The following NCOR2 variants were observed in gnomAD, a reference collection of about 807,000 sequenced individuals.
NCOR2 encodes CTG repeat protein 26.
A neutral mutation model predicts 262.9 loss-of-function variants in NCOR2; 81 were observed. That is an observed-to-expected ratio of 0.31 (90% CI 0.26 to 0.37). The LOEUF (loss-of-function observed/expected upper bound fraction) is 0.37. NCOR2 is among the 10% of genes least tolerant of loss of function. The pLI is 1.00. For missense variants in NCOR2, 3,385 were observed against 3,621.4 expected, an observed-to-expected ratio of 0.93 and a Z score of 1.68; for synonymous variants, 1,659 against 1,559.3, an observed-to-expected ratio of 1.06 and a Z score of -1.51.
intron 5 of NCOR2, among the ~76,000 whole-genome samples, chr12:124,464,824 G>A (rs1404547379): frequency 6.6e-6 from 1 of 152,230 alleles, no homozygotes; most frequent in Non-Finnish European, 1.5e-5. Context: ...CAGGAAGTGG[G>A]AGAAATGGGA....
chr12:124,446,246 G>A (rs560822642), intron 7 of NCOR2, among the ~76,000 whole-genome samples: 4 of 152,188 alleles, frequency 2.6e-5, no homozygotes, highest in Non-Finnish European at 2.9e-5. Flanking sequence ...TACCTACCTC[G>A]GCAGCTCCTG....
chr12:124,501,482 CCTCTGGGGG>C (rs147169167), intron 1 of NCOR2, among the ~76,000 whole-genome samples: 3,673 of 152,268 alleles, frequency 0.024, 75 homozygotes, highest in Middle Eastern at 0.071. Flanking sequence ...GGCCCCACGG[CCTCTGGGGG>C]CTCTGGGGGA....
intron 13 of NCOR2, among the ~76,000 whole-genome samples, chr12:124,404,219 T>C (rs542440110): frequency 1.3e-5 from 2 of 151,302 alleles, no homozygotes; most frequent in South Asian, 4.2e-4. Flanking sequence ...GAGGGAGGAG[T>C]GATGTGGCTG....
At chr12:124,562,756 G>A (rs1304379770) in intron 1 of NCOR2, among the ~76,000 whole-genome samples, 1 of 152,214 alleles carries the variant, frequency 6.6e-6, no homozygotes, top group Non-Finnish European at 1.5e-5. Flanking sequence ...TCCATCAGAG[G>A]ATCTTTCCCA....
At chr12:124,417,352 AC>A (rs1460306057) in intron 13 of NCOR2, among the ~76,000 whole-genome samples, 11 of 152,170 alleles carry the variant, frequency 7.2e-5, no homozygotes, top group Non-Finnish European at 1.5e-5. Context: ...GGCCTCTACA[AC>A]AGGATATGCC....
chr12:124,499,821 CA>C (rs2048597757), upstream of NCOR2, among the ~76,000 whole-genome samples: 1 of 152,086 alleles, frequency 6.6e-6, no homozygotes, highest in Non-Finnish European at 1.5e-5. Context: ...GTTTTACGAG[CA>C]GGCACTGGGG....
At chr12:124,543,591 G>A (rs534197776) in intron 1 of NCOR2, among the ~76,000 whole-genome samples, 6 of 152,300 alleles carry the variant, frequency 3.9e-5, no homozygotes, top group African/African-American at 7.2e-5. Context: ...AAACCTCGCC[G>A]CCCCTCTCCT....
chr12:124,487,658 G>T (rs976740802), intron 1 of NCOR2, among the ~76,000 whole-genome samples: 1 of 152,226 alleles, frequency 6.6e-6, no homozygotes, highest in African/African-American at 2.4e-5. Context: ...TGTCTTGGCC[G>T]TATTTGGCGC....
At chr12:124,555,306 G>A (rs1020118005) in intron 1 of NCOR2, among the ~76,000 whole-genome samples, 2 of 152,090 alleles carry the variant, frequency 1.3e-5, no homozygotes, top group African/African-American at 4.8e-5. Flanking sequence ...GCTGGGGCAG[G>A]GGGCACCCCT....
chr12:124,425,911 G>A (rs10846673), intron 11 of NCOR2, among the ~76,000 whole-genome samples: 1 of 152,054 alleles, frequency 6.6e-6, no homozygotes, highest in South Asian at 2.1e-4. Flanking sequence ...TAAGGGACAG[G>A]AGGGGGAAAA....
intron 13 of NCOR2, among the ~76,000 whole-genome samples, chr12:124,407,158 T>C (rs1435980055): frequency 6.6e-6 from 1 of 152,246 alleles, no homozygotes; most frequent in Non-Finnish European, 1.5e-5. Flanking sequence ...GATTCTTTCC[T>C]TCCGCCAGCA....
At chr12:124,442,516 C>A (rs1463213401) in intron 7 of NCOR2, among the ~76,000 whole-genome samples, 1 of 152,226 alleles carries the variant, frequency 6.6e-6, no homozygotes. Flanking sequence ...TGTGGGGGAA[C>A]TCTGTGGAGC....
chr12:124,329,325 A>T (rs2034975967), intron 44 of NCOR2, among the ~76,000 whole-genome samples: 1 of 152,186 alleles, frequency 6.6e-6, no homozygotes, highest in African/African-American at 2.4e-5. Flanking sequence ...AGCCAGGTGT[A>T]GTGGCGGGTG....
At chr12:124,385,721 G>A (rs369199624) in intron 17 of NCOR2, 24 bp downstream of exon 19, 202 of 1,611,176 alleles carry the variant, frequency 1.3e-4, no homozygotes, top group South Asian at 6.9e-4. Context: ...CCAGAGGCGC[G>A]GTGCAGCGTG....
intron 13 of NCOR2, among the ~76,000 whole-genome samples, chr12:124,415,805 C>T (rs991083097): frequency 1.8e-4 from 28 of 152,124 alleles, no homozygotes; most frequent in Admixed American, 1.5e-3. Flanking sequence ...ATGTTTCCTC[C>T]CTGCTATGGA....
intron 28 of NCOR2, among the ~76,000 whole-genome samples, chr12:124,349,496 A>G (rs3782248): frequency 0.49 from 73,603 of 151,720 alleles, 18,337 homozygotes; most frequent in East Asian, 0.76. Context: ...ATTTCAGATA[A>G]AAACGGAGAT....
At chr12:124,543,227 A>G (rs1199778742) in intron 1 of NCOR2, among the ~76,000 whole-genome samples, 5 of 152,006 alleles carry the variant, frequency 3.3e-5, no homozygotes, top group Non-Finnish European at 5.9e-5. Context: ...CTGAGGAGCA[A>G]CCCCGTGCCC....
Position 124,543,913 on chromosome 12 carries a change from C to A in NCOR2, c.-164-8302G>T, listed in dbSNP as rs76880782. 2.0e-5 allele frequency among the ~76,000 whole-genome samples: 3 copies of A among 152,340 alleles called. No homozygotes were observed. The East Asian group carries it at 5.8e-4, about 29-fold the overall frequency. ...CTGAAGCTCAGGGTTTCGCTGCCTC[C>A]GCACAATGCTAAGCCCCTTACGATG... On this transcript the variant is annotated intron_variant, in intron 1 of 32. Coordinates refer to the NCOR2 transcript ENST00000458234.
At chr12:124,502,186 A>G (rs966531289) in intron 1 of NCOR2, among the ~76,000 whole-genome samples, 1 of 152,208 alleles carries the variant, frequency 6.6e-6, no homozygotes. Context: ...CGCCCAGCCC[A>G]GTCCAGAGGG....
Sources: gnomAD v4.1 joint callset for allele counts (sites outside exome capture counted in the v4.1 genomes callset) on GRCh38, gnomAD v4.1.1 for gene constraint, MANE v1.5 for transcripts, NCBI Gene and HGNC (gene_info 2026-07-23, HGNC 2026-07-21) for gene names.